PITPNC1: variants seen among roughly 807,000 people sequenced by gnomAD.
PITPNC1 encodes cytoplasmic phosphatidylinositol transfer protein 1.
PITPNC1 carries 18 observed loss-of-function variants against 44.7 expected under a neutral mutation model. The ratio of observed to expected loss-of-function variants is 0.40; its 90% confidence interval spans 0.28 to 0.60. The LOEUF is 0.60. Ranked by LOEUF, PITPNC1 falls within the 20% of genes least tolerant of loss-of-function variation. The pLI, the probability that PITPNC1 is intolerant of heterozygous loss-of-function variation, is 0.39. For synonymous variants in PITPNC1, 141 were observed against 149.6 expected (o/e 0.94, Z 0.42); for missense variants, 290 against 418.4 (o/e 0.69, Z 2.68).
At chr17:67,680,428 C>T (rs1359370401) in intron 8 of PITPNC1, among the ~76,000 whole-genome samples, 4 of 152,018 alleles carry the variant, frequency 2.6e-5, no homozygotes, top group Admixed American at 1.3e-4. Context: ...GGTGAAACTC[C>T]GTCTCTACTG....
intron 1 of PITPNC1, among the ~76,000 whole-genome samples, chr17:67,509,989 G>C (rs538112961): frequency 6.6e-6 from 1 of 152,338 alleles, no homozygotes; most frequent in African/African-American, 2.4e-5. Flanking sequence ...TGAGTCTTAA[G>C]TACACAATCT....
At chr17:67,489,693 C>G (rs2039834722) in intron 1 of PITPNC1, among the ~76,000 whole-genome samples, 1 of 152,138 alleles carries the variant, frequency 6.6e-6, no homozygotes, top group Non-Finnish European at 1.5e-5. Context: ...GAACCCGAAC[C>G]TTTTCTCAAT....
At chr17:67,572,151 CTCT>C (rs1333557431) in intron 4 of PITPNC1, among the ~76,000 whole-genome samples, 1 of 152,150 alleles carries the variant, frequency 6.6e-6, no homozygotes, top group African/African-American at 2.4e-5. Flanking sequence ...CCTAGTGTCT[CTCT>C]TCTTGGAGCA....
At chr17:67,470,703 A>G in intron 1 of PITPNC1, among the ~76,000 whole-genome samples, 1 of 152,214 alleles carries the variant, frequency 6.6e-6, no homozygotes, top group African/African-American at 2.4e-5. Flanking sequence ...TGGGAGGTGT[A>G]CCCAACAGCT....
At chr17:67,620,872 A>G (rs1261122098) in intron 5 of PITPNC1, among the ~76,000 whole-genome samples, 2 of 152,208 alleles carry the variant, frequency 1.3e-5, no homozygotes, top group African/African-American at 4.8e-5. Flanking sequence ...ATTCCATTCT[A>G]AGACCAAGGT....
At chr17:67,632,984 T>C (rs543963968) in intron 6 of PITPNC1, among the ~76,000 whole-genome samples, 2 of 152,348 alleles carry the variant, frequency 1.3e-5, no homozygotes, top group South Asian at 4.1e-4. Context: ...GAGAATAAAT[T>C]TCAGAGAACT....
chr17:67,568,899 G>A (rs935816995), intron 4 of PITPNC1, among the ~76,000 whole-genome samples: 18 of 152,020 alleles, frequency 1.2e-4, no homozygotes, highest in Admixed American at 8.5e-4. Flanking sequence ...TTTAGCTTAC[G>A]TTTTTGCCAC....
At chr17:67,664,356 C>G (rs2042392234) in intron 6 of PITPNC1, among the ~76,000 whole-genome samples, 1 of 152,198 alleles carries the variant, frequency 6.6e-6, no homozygotes, top group South Asian at 2.1e-4. Context: ...CTGGGTAGCT[C>G]TGTTTTAAGT....
Position 67,649,516 on chromosome 17 carries a change from A to G in PITPNC1, c.462+17278A>G, listed in dbSNP as rs75607338. ...TCCAGCACCAGCTATGTGTCCAACA[A>G]TTCAATTCAATTAGACACTGTCTAT... is the stretch of plus-strand genomic sequence containing the variant. On this transcript the variant is annotated intron_variant, in intron 6 of 8. Coordinates refer to ENST00000581322, the MANE Select transcript of PITPNC1 (RefSeq NM_012417.4). Among the ~76,000 whole-genome samples the G allele has an allele frequency of 9.2e-3, 1,389 of 151,446 alleles. 23 individuals carry two copies. The highest frequency in any genetic ancestry group is 0.033 in the African/African-American group (1,326 of 40,736).
At chr17:67,578,336 C>G in intron 5 of PITPNC1, 79 bp downstream of exon 5, 4 of 971,724 alleles carry the variant, frequency 4.1e-6, no homozygotes, top group Non-Finnish European at 6.5e-6. Context: ...CCCTCTGTGA[C>G]CAGGGCCAGC....
chr17:67,598,166 G>T (rs1360702565), intron 5 of PITPNC1, among the ~76,000 whole-genome samples: 2 of 152,088 alleles, frequency 1.3e-5, no homozygotes, highest in East Asian at 3.9e-4. Flanking sequence ...AGGTTGCAGT[G>T]AGCCAAGATC....
At chr17:67,466,841 T>C (rs1490014648) in intron 1 of PITPNC1, among the ~76,000 whole-genome samples, 1 of 152,138 alleles carries the variant, frequency 6.6e-6, no homozygotes, top group Non-Finnish European at 1.5e-5. Flanking sequence ...ATTCCAACTG[T>C]TGGAATACCT....
chr17:67,417,380 T>C (rs2038604686), intron 1 of PITPNC1, among the ~76,000 whole-genome samples: 1 of 152,120 alleles, frequency 6.6e-6, no homozygotes, highest in Non-Finnish European at 1.5e-5. Context: ...TCCTCCTGCC[T>C]CGGCCTCCCA....
At chr17:67,482,811 A>G (rs2039721902) in intron 1 of PITPNC1, among the ~76,000 whole-genome samples, 1 of 152,232 alleles carries the variant, frequency 6.6e-6, no homozygotes, top group Admixed American at 6.5e-5. Context: ...AATGATTTCT[A>G]CAGCTGGGAA....
At chr17:67,450,422 C>G (rs914371629) in intron 1 of PITPNC1, among the ~76,000 whole-genome samples, 9 of 151,772 alleles carry the variant, frequency 5.9e-5, no homozygotes, top group African/African-American at 2.2e-4. Flanking sequence ...AAAAATTTAC[C>G]ATTTTAAGTT....
At chr17:67,690,130 TC>T (rs1473569733) in intron 8 of PITPNC1, among the ~76,000 whole-genome samples, 1 of 152,234 alleles carries the variant, frequency 6.6e-6, no homozygotes, top group Non-Finnish European at 1.5e-5. Context: ...GAAAAATACT[TC>T]TGGTTTGCTC....
chr17:67,380,039 C>CCCTT (rs577685754), intron 1 of PITPNC1, among the ~76,000 whole-genome samples: 1 of 148,758 alleles, frequency 6.7e-6, no homozygotes, highest in South Asian at 2.1e-4. Flanking sequence ...TAGGTGGAGG[C>CCCTT]CCTTCCTTCC....
intron 5 of PITPNC1, among the ~76,000 whole-genome samples, chr17:67,583,571 G>C (rs35199232): frequency 0.4 from 56,985 of 143,534 alleles, 11,800 homozygotes; most frequent in South Asian, 0.56. Flanking sequence ...ATGGGCAACA[G>C]AGCGAGACTC....
At position 67,552,393 on chromosome 17, in the gene PITPNC1, A is replaced by G; in HGVS notation, c.286+48A>G. ...TGGCACATGTAGTGAGTGCAAGGAC[A>G]TAGCATAGTTGAATTTCACTGATTT... is the stretch of plus-strand genomic sequence containing the variant. On this transcript the variant is annotated intron_variant, in intron 3 of 8. Coordinates refer to ENST00000581322, the MANE Select transcript of PITPNC1 (RefSeq NM_012417.4). 2 of 942,096 alleles carry G rather than the reference A, an allele frequency of 2.1e-6. 1 individual carries two copies. Among genetic ancestry groups the G allele is most frequent in the South Asian group, 2.6e-5 (2 of 77,610 alleles). The allele number at this position is 942,096 out of a possible 1,614,324, so 58.4% of individuals were successfully genotyped here.
Sources: allele counts gnomAD v4.1 joint callset (sites outside exome capture counted in the v4.1 genomes callset), GRCh38; gene constraint gnomAD v4.1.1; transcripts MANE v1.5; gene names NCBI Gene and HGNC (gene_info 2026-07-23, HGNC 2026-07-21).